Variants in AMACR observed in about 807,000 individuals in gnomAD.
The protein encoded by AMACR is 2-methylacyl-CoA racemase.
Under a neutral mutation model 22.2 loss-of-function variants are expected in AMACR, and 18 were observed. That is an observed-to-expected ratio of 0.81 (90% CI 0.56 to 1.20). The LOEUF (loss-of-function observed/expected upper bound fraction) is 1.20. Among genes scored for constraint, AMACR ranks in the 50% most tolerant of loss-of-function variants. The pLI is 0.00. For synonymous variants in AMACR, 213 were observed against 191.3 expected (o/e 1.11, Z -0.94); for missense variants, 499 against 490.6 (o/e 1.02, Z -0.16).
chr5:33,994,071 T>C, intron 4 of AMACR: 2 of 456,188 alleles, frequency 4.4e-6, no homozygotes, highest in Non-Finnish European at 8.8e-6. Context: ...AGATTTTGCA[T>C]ACTTATGTTC....
intron 4 of AMACR, chr5:33,996,896 T>A (rs1561040831): frequency 5.0e-6 from 2 of 400,932 alleles, no homozygotes; most frequent in South Asian, 9.7e-5. Flanking sequence ...AGATTTAATT[T>A]AAGAAAATCA....
At chr5:33,989,643 G>T in intron 4 of AMACR, 141 bp from the exon 5 acceptor site, 1 of 732,330 alleles carries the variant, frequency 1.4e-6, no homozygotes, top group Non-Finnish European at 2.2e-6. Context: ...AGAAAAAAAT[G>T]TAAAATCAGT....
chr5:33,989,001 C>G lies in AMACR; in HGVS notation c.*92G>C, dbSNP rs1753383854. 6.3e-7 allele frequency: 1 copy of G among 1,581,420 alleles called. No homozygotes were observed. The highest frequency in any genetic ancestry group is 8.6e-7 in the Non-Finnish European group (1 of 1,164,104). ...ATTAGAGTGGTAGGACACTGTAATA[C>G]TGTTCCTCCATGTTTCCATGCATAC... is the stretch of plus-strand genomic sequence containing the variant. On this transcript the variant is annotated 3_prime_UTR_variant, in exon 5 of 5. Coordinates refer to ENST00000335606, the MANE Select transcript of AMACR (RefSeq NM_014324.6).
chr5:34,004,088 T>C (rs944357891), intron 3 of AMACR, among the ~76,000 whole-genome samples: 2 of 152,218 alleles, frequency 1.3e-5, no homozygotes, highest in African/African-American at 2.4e-5. Context: ...TGTTATGATA[T>C]CAGAGCATCC....
rs139973015 is a variant in AMACR, at chr5:33,989,300, C to T, written c.942G>A (p.Ser314=). ...CGTCCTGCTCCTCACTGGTGATAAA[C>T]GAGCCCCGTTCCTTGTTGTGATCAT... The part of the protein sequence containing the change: ...VHHDHNKERG[S]FITSEEQDVS... The change falls in exon 5 of 5, where the codon TCG becomes TCA. Residue 314 remains serine (S), a synonymous_variant. Coordinates refer to ENST00000335606, the MANE Select transcript of AMACR (RefSeq NM_014324.6). 47 of 1,614,102 alleles carry T rather than the reference C, an allele frequency of 2.9e-5. No individual in the cohort carries two copies. Among genetic ancestry groups the T allele is most frequent in the Non-Finnish European group, 3.5e-5 (41 of 1,180,006 alleles).
chr5:33,998,548 A>G (rs1019652533), intron 4 of AMACR, 93 bp downstream of exon 4: 88 of 1,353,456 alleles, frequency 6.5e-5, no homozygotes, highest in Middle Eastern at 2.3e-4. Flanking sequence ...CTATATAATA[A>G]AAGACATCCT....
chr5:34,007,833 C>T lies in AMACR; in HGVS notation c.187G>A (p.Ala63Thr), dbSNP rs761772572. The T allele has an allele frequency of 1.3e-6, 2 of 1,576,254 alleles. No individual in the cohort carries two copies. The highest frequency in any genetic ancestry group is 1.1e-5 in the South Asian group (1 of 88,436). The change falls in exon 1 of 5, where the codon GCC (alanine) becomes ACC (threonine). Residue 63 changes from alanine to threonine, a missense_variant. Coordinates refer to ENST00000335606, the MANE Select transcript of AMACR (RefSeq NM_014324.6). ...LVLDLKQPRG[A>T]AVLRRLCKRS... ...TTGCACAGACGCCGCAGCACGGCGGCTCCCCGCGGCTGCTTCAGGTCCAGC... is the reference window on the plus strand; with the variant it reads ...TTGCACAGACGCCGCAGCACGGCGGTTCCCCGCGGCTGCTTCAGGTCCAGC...
chr5:33,999,901 G>A (rs1753761911), intron 3 of AMACR, among the ~76,000 whole-genome samples: 2 of 152,146 alleles, frequency 1.3e-5, no homozygotes, highest in Admixed American at 6.5e-5. Flanking sequence ...AGAGATATTA[G>A]AGTTCCACAT....
chr5:34,005,948 G>A (rs1258936410), intron 1 of AMACR, 49 bp from the exon 2 acceptor site: 1 of 1,601,556 alleles, frequency 6.2e-7, no homozygotes, highest in East Asian at 2.2e-5. Context: ...ATTGAGGATG[G>A]AGATAATCCC....
chr5:33,993,452 T>C (rs1753543641), intron 4 of AMACR, among the ~76,000 whole-genome samples: 2 of 152,242 alleles, frequency 1.3e-5, no homozygotes, highest in African/African-American at 4.8e-5. Context: ...GAAGTGGAAT[T>C]GCTAGATCAT....
intron 4 of AMACR, among the ~76,000 whole-genome samples, chr5:33,990,756 A>G (rs902360643): frequency 6.6e-6 from 1 of 152,260 alleles, no homozygotes; most frequent in Non-Finnish European, 1.5e-5. Context: ...AAGATGGTAA[A>G]GTCCCTATAG....
In AMACR at chr5:34,008,041, G is replaced by C. The variant is rs35448266; in HGVS notation, c.-22C>G. The C allele has an allele frequency of 1.4e-3, 2,219 of 1,607,782 alleles. 9 individuals carry two copies. Among genetic ancestry groups the C allele is most frequent in the Middle Eastern group, 7.4e-3 (44 of 5,986 alleles). ...CCATGGCGCTTCCCAGTGCCCCGCT[G>C]AAGGAAACTGAGCAGCCCTTAGCCC... On this transcript the variant is annotated 5_prime_UTR_variant, in exon 1 of 5. Coordinates refer to ENST00000335606, the MANE Select transcript of AMACR (RefSeq NM_014324.6).
At chr5:34,005,938 A>AT (rs1438197736) in intron 1 of AMACR, 39 bp from the exon 2 acceptor site, 1 of 1,611,000 alleles carries the variant, frequency 6.2e-7, no homozygotes, top group Admixed American at 1.7e-5. Context: ...GAGAGTATGA[A>AT]TTGAGGATGG....
Position 34,007,845 on chromosome 5 carries a change from G to A in AMACR, c.175C>T (p.Gln59Ter), listed in dbSNP as rs1473596504. 1.3e-6 allele frequency: 2 copies of A among 1,581,706 alleles called. No individual in the cohort carries two copies. The highest frequency in any genetic ancestry group is 2.2e-5 in the South Asian group (2 of 88,954). Residue 59 changes from glutamine to a stop codon, truncating the protein, a stop_gained, in exon 1 of 5, where the codon CAG becomes TAG. Transcript: ENST00000335606. LOFTEE classifies it high-confidence loss of function. ...GKRSLVLDLK[Q>*]PRGAAVLRRL... Reference sequence around the variant, plus strand: ...CGCAGCACGGCGGCTCCCCGCGGCTGCTTCAGGTCCAGCACTAGCGAGCGC... The same window carrying A: ...CGCAGCACGGCGGCTCCCCGCGGCTACTTCAGGTCCAGCACTAGCGAGCGC...
chr5:33,997,053 A>C lies in AMACR; in HGVS notation c.739+1588T>G, dbSNP rs1753660006. On this transcript the variant is annotated intron_variant, in intron 4 of 4. Transcript: ENST00000335606. The stretch of plus-strand genomic sequence containing the variant: ...TTAAAACTTATTTAAGTCACTTTGG[A>C]CCCAGCATGTCCTTAGGTTTTACCC... 8.5e-6 allele frequency: 6 copies of C among 709,616 alleles called. No individual in the cohort carries two copies. The South Asian group carries it at 9.0e-5, about 11-fold the overall frequency. The allele number at this position is 709,616 out of a possible 1,614,324, so 44.0% of individuals were successfully genotyped here.
At chr5:33,991,726 T>TTTTTTATTATTATTATTATTATTATTA (rs138912654) in intron 4 of AMACR, among the ~76,000 whole-genome samples, 3 of 145,192 alleles carry the variant, frequency 2.1e-5, no homozygotes, top group Admixed American at 6.9e-5. Context: ...TAAACACTAT[T>TTTTTTATTATTATTATTATTATTATTA]TTATTATTAT....
intron 3 of AMACR, 130 bp from the exon 4 acceptor site, chr5:33,998,957 A>AT: frequency 3.8e-6 from 3 of 784,442 alleles, no homozygotes; most frequent in Non-Finnish European, 4.2e-6. Context: ...ATTCTACCTA[A>AT]TTACACAACT....
At chr5:33,993,196 C>CT (rs1393486202) in intron 4 of AMACR, among the ~76,000 whole-genome samples, 3 of 152,162 alleles carry the variant, frequency 2.0e-5, no homozygotes, top group African/African-American at 7.2e-5. Context: ...TGGTGACTGA[C>CT]TTATTTCACT....
chr5:34,005,696 A>T, intron 2 of AMACR, 60 bp downstream of exon 2: 13 of 1,590,658 alleles, frequency 8.2e-6, no homozygotes, highest in Non-Finnish European at 8.6e-7. Context: ...GTTAATCAAC[A>T]TACCTGTAGA....
Sources: gnomAD v4.1 joint callset for allele counts (sites outside exome capture counted in the v4.1 genomes callset) on GRCh38, gnomAD v4.1.1 for gene constraint, MANE v1.5 for transcripts, NCBI Gene and HGNC (gene_info 2026-07-23, HGNC 2026-07-21) for gene names.